The following ACAT1 variants were observed in gnomAD, a reference collection of about 807,000 sequenced individuals.
ACAT1 encodes acetyl-CoA acetyltransferase 1, also known as acetyl-CoA acetyltransferase, mitochondrial.
A neutral mutation model predicts 47.3 loss-of-function variants in ACAT1; 28 were observed. That is an observed-to-expected ratio of 0.59 (90% CI 0.44 to 0.81). ACAT1 has a LOEUF of 0.81. Among genes scored for constraint, ACAT1 ranks in the 30% least tolerant of loss-of-function variants. ACAT1 has a pLI of 0.00. For missense variants in ACAT1, 469 were observed against 524.3 expected, an observed-to-expected ratio of 0.89 and a Z score of 1.03; for synonymous variants, 181 against 173.6, an observed-to-expected ratio of 1.04 and a Z score of -0.34.
intron 1 of ACAT1, among the ~76,000 whole-genome samples, chr11:108,129,621 C>T (rs1355784154): frequency 6.6e-6 from 1 of 152,150 alleles, no homozygotes; most frequent in Non-Finnish European, 1.5e-5. Flanking sequence ...CCCGCCTCAG[C>T]CTCCTAAAGT....
intron 3 of ACAT1, 22 bp from the exon 4 acceptor site, chr11:108,134,199 A>G: frequency 6.9e-7 from 1 of 1,450,532 alleles, no homozygotes; most frequent in Non-Finnish European, 9.6e-7. Context: ...TGCCTTTTTG[A>G]CTTTTTTTTT....
chr11:108,132,614 G>A (rs1215532772), intron 2 of ACAT1, among the ~76,000 whole-genome samples: 1 of 152,020 alleles, frequency 6.6e-6, no homozygotes, highest in African/African-American at 2.4e-5. Context: ...CAGCACTTTG[G>A]GAGGCCGAGG....
rs2077556238 is a variant in ACAT1 at position 108,140,093 on chromosome 11, A to C, written c.608A>C (p.Lys203Thr). Residue 203 changes from lysine (K) to threonine (T), a missense_variant, in exon 7 of 12, where the codon AAG (lysine) becomes ACG (threonine). Lys to Thr is a moderately conservative substitution (Grantham distance 78, BLOSUM62 -1). Transcript: ENST00000265838. ...AGCTGTGCTGAGAATACAGCAAAGA[A>C]GCTGAATATTGCACGAAATGAACAG... Reference protein sequence around the residue: ...MGSCAENTAKKLNIARNEQDA... With the variant: ...MGSCAENTAKTLNIARNEQDA... 1 of 1,614,144 alleles carries C rather than the reference A, an allele frequency of 6.2e-7. No homozygotes were observed. The highest frequency in any genetic ancestry group is 2.2e-5 in the East Asian group (1 of 44,866).
intron 5 of ACAT1, chr11:108,136,901 TTTACA>T (rs1379927484): frequency 1.3e-5 from 2 of 152,232 alleles, no homozygotes; most frequent in African/African-American, 2.4e-5. Flanking sequence ...TGGCTTTATG[TTTACA>T]TTAATGTTTT....
At chr11:108,124,621 C>T (rs917508839) in intron 1 of ACAT1, among the ~76,000 whole-genome samples, 6 of 152,220 alleles carry the variant, frequency 3.9e-5, no homozygotes, top group African/African-American at 1.4e-4. Flanking sequence ...TCAGTTCCCC[C>T]GCAGCCAGAG....
chr11:108,139,587 C>T lies in ACAT1; in HGVS notation c.580-478C>T, dbSNP rs932606293. 7.9e-5 allele frequency among the ~76,000 whole-genome samples: 12 copies of T among 151,238 alleles called. 1 individual carries two copies. The East Asian group carries it at 1.4e-3, about 17-fold the overall frequency. On this transcript the variant is annotated intron_variant, in intron 6 of 11. Transcript: ENST00000265838. ...AGCCTGGGTGACAAGAGTCAAACTC[C>T]GTCTCAAAAAAAGACATGAGTGAAA...
chr11:108,130,835 C>T (rs537673182), intron 1 of ACAT1, among the ~76,000 whole-genome samples: 3 of 152,154 alleles, frequency 2.0e-5, no homozygotes, highest in African/African-American at 4.8e-5. Flanking sequence ...CTGCAACCTC[C>T]GCCTCCTGGG....
upstream of ACAT1, among the ~76,000 whole-genome samples, chr11:108,116,829 A>G (rs976915138): frequency 5.3e-5 from 8 of 152,174 alleles, no homozygotes; most frequent in Non-Finnish European, 7.4e-5. Flanking sequence ...GGCATGGAAC[A>G]GACTCTCCGT....
Position 108,141,620 on chromosome 11 carries a change from T to C in ACAT1, c.746T>C (p.Val249Ala). Reference sequence around the variant, plus strand: ...TTTATTTTAGGTCAACCAGATGTAGTGGTGAAAGAAGATGAAGAATATAAA... The same window carrying C: ...TTTATTTTAGGTCAACCAGATGTAGCGGTGAAAGAAGATGAAGAATATAAA... ...TVTVKGQPDV[V>A]VKEDEEYKRV... is the part of the protein sequence containing the mutation. Residue 249 changes from valine (V) to alanine (A), a missense_variant, in exon 8 of 12, where the codon GTG (valine) becomes GCG (alanine). Coordinates refer to ENST00000265838, the MANE Select transcript of ACAT1 (RefSeq NM_000019.4). The C allele has an allele frequency of 6.2e-7, 1 of 1,612,600 alleles. No homozygotes were observed. The highest frequency in any genetic ancestry group is 1.1e-5 in the South Asian group (1 of 91,048).
intron 8 of ACAT1, 122 bp from the exon 9 acceptor site, chr11:108,142,315 T>C: frequency 1.3e-6 from 1 of 766,312 alleles, no homozygotes; most frequent in Non-Finnish European, 2.3e-6. Flanking sequence ...AGGAATTGTC[T>C]CCACCCATAT....
chr11:108,117,285 G>GAC (rs1864968854), upstream of ACAT1, among the ~76,000 whole-genome samples: 1 of 151,214 alleles, frequency 6.6e-6, no homozygotes, highest in Admixed American at 6.6e-5. Flanking sequence ...CAGCCTGGGT[G>GAC]ACAGAGCAAG....
At chr11:108,134,410 C>T (rs1291261558) in intron 4 of ACAT1, 94 bp downstream of exon 4, 16 of 918,318 alleles carry the variant, frequency 1.7e-5, no homozygotes, top group African/African-American at 1.0e-4. Context: ...TTTGGGAGGC[C>T]GAGGCAGGCG....
At chr11:108,120,240 T>A (rs1299548085), upstream of ACAT1, among the ~76,000 whole-genome samples, 1 of 152,004 alleles carries the variant, frequency 6.6e-6, no homozygotes, top group African/African-American at 2.4e-5. Context: ...CTTATGCCTA[T>A]AATATCTGTG....
At chr11:108,133,417 T>C (rs907016688) in intron 2 of ACAT1, among the ~76,000 whole-genome samples, 2 of 151,934 alleles carry the variant, frequency 1.3e-5, no homozygotes, top group African/African-American at 4.8e-5. Context: ...GCTGAGGAGT[T>C]TGAGCTGCAA....
rs1324457201 is a variant in ACAT1 at position 108,121,624 on chromosome 11, A to G, written c.18A>G (p.Ala6=). 1.9e-6 allele frequency: 3 copies of G among 1,550,858 alleles called. No homozygotes were observed. Among genetic ancestry groups the G allele is most frequent in the East Asian group, 2.4e-5 (1 of 41,086 alleles). ...CTGCGACCATGGCTGTGCTGGCGGC[A>G]CTTCTGCGCAGCGGCGCCCGCAGCC... MAVLA[A]LLRSGARSRS... is the part of the protein sequence containing the mutation. Residue 6 remains alanine (A), a synonymous_variant, in exon 1 of 12, where the codon GCA becomes GCG. Coordinates refer to ENST00000265838, the MANE Select transcript of ACAT1 (RefSeq NM_000019.4).
intron 2 of ACAT1, among the ~76,000 whole-genome samples, chr11:108,133,347 GT>G (rs1044269887): frequency 6.6e-6 from 1 of 152,118 alleles, no homozygotes; most frequent in African/African-American, 2.4e-5. Context: ...GTGGCTGAGT[GT>G]GGTGGCTCAT....
chr11:108,132,084 T>C lies in ACAT1; in HGVS notation c.120+130T>C, dbSNP rs1565287419. The C allele has an allele frequency of 1.7e-5, 9 of 545,034 alleles. No homozygotes were observed. The East Asian group carries it at 2.3e-4, about 14-fold the overall frequency. The allele number at this position is 545,034 out of a possible 1,614,324, so 33.8% of individuals were successfully genotyped here. Reference sequence around the variant, plus strand: ...TATGTAACAGTTAGGAATAGCTAACTATTCAAATATTCAGTTAAAGTAGAT... The same window carrying C: ...TATGTAACAGTTAGGAATAGCTAACCATTCAAATATTCAGTTAAAGTAGAT... On this transcript the variant is annotated intron_variant, in intron 2 of 11. Coordinates refer to ENST00000265838, the MANE Select transcript of ACAT1 (RefSeq NM_000019.4).
intron 9 of ACAT1, chr11:108,143,406 C>T (rs1004925328): frequency 2.6e-5 from 4 of 152,080 alleles, no homozygotes; most frequent in African/African-American, 9.7e-5. Context: ...GATTAGGAGT[C>T]CAGAAATACA....
intron 10 of ACAT1, among the ~76,000 whole-genome samples, chr11:108,144,459 A>G (rs538934585): frequency 6.6e-6 from 1 of 152,172 alleles, no homozygotes; most frequent in Non-Finnish European, 1.5e-5. Context: ...GTAAATAGTA[A>G]AACTAGAGAC....
Sources: allele counts gnomAD v4.1 joint callset (sites outside exome capture counted in the v4.1 genomes callset), GRCh38; gene constraint gnomAD v4.1.1; transcripts MANE v1.5; gene names NCBI Gene and HGNC (gene_info 2026-07-23, HGNC 2026-07-21).